The following BCL3 variants were observed in gnomAD, a reference collection of about 807,000 sequenced individuals.
BCL3 encodes the protein B-cell lymphoma 3 protein.
BCL3 carries 15 observed loss-of-function variants against 35.7 expected under a neutral mutation model. The ratio of observed to expected loss-of-function variants is 0.42; its 90% CI spans 0.28 to 0.65. The LOEUF (loss-of-function observed/expected upper bound fraction) is 0.65, where lower values mean the gene tolerates loss of function less well. Ranked by LOEUF, BCL3 falls within the 30% of genes least tolerant of loss-of-function variation. The probability of loss-of-function intolerance (pLI) is 0.22; values close to 1 mark genes in which losing one functional copy is unlikely to be tolerated. For synonymous variants in BCL3, 311 were observed against 284.3 expected (o/e 1.09, Z -0.95); for missense variants, 565 against 641.7 (o/e 0.88, Z 1.29).
chr19:44,758,691 G>A (rs1206239557), intron 7 of BCL3, 33 bp from the exon 8 acceptor site: 3 of 1,534,324 alleles, frequency 2.0e-6, no homozygotes, highest in East Asian at 2.3e-5. Flanking sequence ...GTGAGGCATG[G>A]GTGGCTCTAT....
At position 44,759,580 on chromosome 19, in the gene BCL3, C is replaced by T. The variant is rs2122316170; in HGVS notation, c.1330C>T (p.Pro444Ser). The T allele has an allele frequency of 6.2e-7, 1 of 1,608,864 alleles. No homozygotes were observed. The highest frequency in any genetic ancestry group is 8.5e-7 in the Non-Finnish European group (1 of 1,178,962). Residue 444 changes from proline to serine, a missense_variant, in exon 9 of 9, where the codon CCG (proline) becomes TCG (serine). Transcript: ENST00000164227. ...FAGVLRGPGR[P>S]VPPSPAPGGS ...TGGGGTCCTCCGAGGCCCTGGCCGGCCGGTGCCCCCCTCCCCAGCTCCAGG... is the reference window on the plus strand; with the variant it reads ...TGGGGTCCTCCGAGGCCCTGGCCGGTCGGTGCCCCCCTCCCCAGCTCCAGG...
In BCL3 at chr19:44,757,554, C is replaced by A; in HGVS notation, c.814-92C>A. 6.5e-7 allele frequency: 1 copy of A among 1,540,692 alleles called. No individual in the cohort carries two copies. ...TGGAGTATCAGACCCAAGAGAGAGG[C>A]TGGACCCCGCGAATGGGATGTGGAC... is the stretch of plus-strand genomic sequence containing the variant. On this transcript the variant is annotated intron_variant, in intron 5 of 8. Transcript: ENST00000164227. This position sits in a 1 kb window ranked among gnomAD's most constrained non-coding sequence, Gnocchi z 8.4.
chr19:44,748,958 C>T lies in BCL3; in HGVS notation c.168C>T (p.Pro56=). The T allele has an allele frequency of 7.3e-7, 1 of 1,362,328 alleles. No individual in the cohort carries two copies. The highest frequency in any genetic ancestry group is 3.2e-5 in the East Asian group (1 of 31,160). 84.4% of individuals were successfully genotyped at this position (1,362,328 alleles called of 1,614,324 possible). Residue 56 remains proline (P), a synonymous_variant, in exon 1 of 9, where the codon CCC becomes CCT. Coordinates refer to ENST00000164227, the MANE Select transcript of BCL3 (RefSeq NM_005178.5). The part of the protein sequence containing the change: ...APRGAAGLVV[P]LDPLRGGCDL... ...GCGGCGCTGCGGGCCTTGTCGTCCC[C>T]CTGGACCCTCTGCGCGGCGGCTGCG...
At position 44,756,350 on chromosome 19, in the gene BCL3, G is replaced by A. The variant is rs372259351; in HGVS notation, c.519+10G>A. 2.3e-5 allele frequency: 34 copies of A among 1,468,670 alleles called. No homozygotes were observed. Among genetic ancestry groups the A allele is most frequent in the Admixed American group, 6.7e-5 (3 of 44,834 alleles). 91.0% of individuals were successfully genotyped at this position (1,468,670 alleles called of 1,614,324 possible). ...CAACAACCTACGGCAGGTGAGGCTC[G>A]GTCTGAGGGAGGAGGGCTGGGGCCT... is the stretch of plus-strand genomic sequence containing the variant. On this transcript the variant is annotated intron_variant, in intron 3 of 8. Coordinates refer to ENST00000164227, the MANE Select transcript of BCL3 (RefSeq NM_005178.5).
rs1360948846 is a variant in BCL3, at chr19:44,757,231, T to A, written c.724+10T>A. ...GCCCGCAATTATGACGGTAAGCATT[T>A]ACCGCGGGGCACCGCTGGGCTGTCC... is the stretch of plus-strand genomic sequence containing the variant. On this transcript the variant is annotated intron_variant, in intron 4 of 8. Coordinates refer to ENST00000164227, the MANE Select transcript of BCL3 (RefSeq NM_005178.5). This position sits in a 1 kb window ranked among gnomAD's most constrained non-coding sequence, Gnocchi z 8.4. 1 of 1,548,416 alleles carries A rather than the reference T, an allele frequency of 6.5e-7. No individual in the cohort carries two copies. The highest frequency in any genetic ancestry group is 1.9e-5 in the Admixed American group (1 of 51,934).
At position 44,758,809 on chromosome 19, in the gene BCL3, C is replaced by T; in HGVS notation, c.1145C>T (p.Ser382Phe). ...TCCCCTGACCGGAGCGCCAACACCT[C>T]CCCCGAGAGCAGCAGCCGCCTCAGC... ...DPSPDRSANT[S>F]PESSSRLSSN... The change falls in exon 8 of 9, where the codon TCC (serine) becomes TTC (phenylalanine). Residue 382 changes from serine to phenylalanine, a missense_variant. Ser to Phe is a radical substitution (Grantham distance 155, BLOSUM62 -2). This residue lies in a region of BCL3 where 151 missense variants were observed against 138.1 expected (regional missense o/e 1.09). Transcript: ENST00000164227. 1 of 1,604,640 alleles carries T rather than the reference C, an allele frequency of 6.2e-7. No homozygotes were observed. The highest frequency in any genetic ancestry group is 8.5e-7 in the Non-Finnish European group (1 of 1,176,752).
intron 8 of BCL3, 30 bp from the exon 9 acceptor site, chr19:44,759,398 C>A (rs776520216): frequency 1.9e-6 from 3 of 1,561,722 alleles, no homozygotes; most frequent in South Asian, 1.1e-5. Context: ...CCTCTCACCA[C>A]CCACCCCTCT....
chr19:44,758,692 G>A (rs1277195020), intron 7 of BCL3, 32 bp from the exon 8 acceptor site: 17 of 1,537,424 alleles, frequency 1.1e-5, no homozygotes, highest in South Asian at 2.3e-5. Context: ...TGAGGCATGG[G>A]TGGCTCTATG....
chr19:44,753,775 G>T (rs553055787), intron 2 of BCL3, among the ~76,000 whole-genome samples: 1 of 141,114 alleles, frequency 7.1e-6, no homozygotes, highest in South Asian at 2.4e-4. Context: ...GGACCCCCAA[G>T]AGGTTAGGGA....
upstream of BCL3, chr19:44,748,682 A>T: frequency 9.6e-7 from 1 of 1,041,898 alleles, no homozygotes; most frequent in Non-Finnish European, 1.2e-6. Context: ...CCGGCCGACA[A>T]AAGTCCCTTC....
chr19:44,758,498 G>A (rs147211387), intron 7 of BCL3, 85 bp downstream of exon 7: 24,650 of 1,481,962 alleles, frequency 0.017, 338 homozygotes, highest in Admixed American at 0.08. Context: ...GCGCAGAGGA[G>A]TGAGGGTGTC....
At chr19:44,755,053 A>G (rs1346327753) in intron 2 of BCL3, 2 of 152,338 alleles carry the variant, frequency 1.3e-5, no homozygotes, top group Non-Finnish European at 2.9e-5. Flanking sequence ...TTAAATAAAG[A>G]TCCTGCCACC....
Position 44,757,330 on chromosome 19 carries a change from T to C in BCL3, c.728T>C (p.Leu243Pro). The change falls in exon 5 of 9, where the codon CTC becomes CCC. Residue 243 changes from leucine to proline, a missense_variant. Leu to Pro is a moderately conservative substitution (Grantham distance 98, BLOSUM62 -3). This residue lies in a region of BCL3 where 103 missense variants were observed against 106.7 expected (regional missense o/e 0.97). Transcript: ENST00000164227. This position sits in a 1 kb window ranked among gnomAD's most constrained non-coding sequence, Gnocchi z 8.4. ...LDLEARNYDG[L>P]TALHVAVNTE... ...ACCGAGCCCTCCTCTCCCTCAGGGC[T>C]CACCGCCCTGCACGTGGCAGTGAAC... is the stretch of plus-strand genomic sequence containing the variant. 1 of 1,601,654 alleles carries C rather than the reference T, an allele frequency of 6.2e-7. No individual in the cohort carries two copies. The highest frequency in any genetic ancestry group is 8.5e-7 in the Non-Finnish European group (1 of 1,174,464).
intron 2 of BCL3, among the ~76,000 whole-genome samples, chr19:44,754,491 C>T (rs1455369041): frequency 6.6e-6 from 1 of 152,218 alleles, no homozygotes; most frequent in African/African-American, 2.4e-5. Flanking sequence ...AGCAGAGCCC[C>T]GCCCAGCAGA....
chr19:44,755,748 T>C (rs1167381419), intron 2 of BCL3, among the ~76,000 whole-genome samples: 1 of 146,032 alleles, frequency 6.8e-6, no homozygotes, highest in African/African-American at 2.5e-5. Context: ...TGAAACCATG[T>C]CTCTACTAAA....
chr19:44,759,941 T>G lies in BCL3; in HGVS notation c.*326T>G. 3.2e-6 allele frequency: 1 copy of G among 312,262 alleles called. No individual in the cohort carries two copies. Among genetic ancestry groups the G allele is most frequent in the East Asian group, 5.1e-5 (1 of 19,536 alleles). The allele number at this position is 312,262 out of a possible 1,614,324, so 19.3% of individuals were successfully genotyped here. Reference sequence around the variant, plus strand: ...CCACTCCCCTCCACTCTCTACCAGATAACTGAGGAGGGGAGAGGTGGGCCG... The same window carrying G: ...CCACTCCCCTCCACTCTCTACCAGAGAACTGAGGAGGGGAGAGGTGGGCCG... On this transcript the variant is annotated 3_prime_UTR_variant, in exon 9 of 9. Transcript: ENST00000164227.
intron 1 of BCL3, 76 bp from the exon 2 acceptor site, chr19:44,751,151 T>G: frequency 6.5e-7 from 1 of 1,537,892 alleles, no homozygotes. Context: ...GGAGCAAAGT[T>G]TTAGAAGTGG....
Position 44,757,939 on chromosome 19 carries a change from C to G in BCL3, c.891+216C>G, listed in dbSNP as rs958370259. Reference sequence around the variant, plus strand: ...ATTCCTCCTCTGCCACCTCAACGGCCTAGGCCCCGCCCTGCGATGGCCTGG... The same window carrying G: ...ATTCCTCCTCTGCCACCTCAACGGCGTAGGCCCCGCCCTGCGATGGCCTGG... On this transcript the variant is annotated intron_variant, in intron 6 of 8. Coordinates refer to ENST00000164227, the MANE Select transcript of BCL3 (RefSeq NM_005178.5). The surrounding 1 kb of genome is among the most constrained non-coding windows in gnomAD (Gnocchi z 8.4). Among the ~76,000 whole-genome samples, 6 of 152,228 alleles carry G rather than the reference C, an allele frequency of 3.9e-5. No individual in the cohort carries two copies. The highest frequency in any genetic ancestry group is 5.9e-5 in the Non-Finnish European group (4 of 68,040).
upstream of BCL3, chr19:44,748,701 C>A (rs1236454348): frequency 2.9e-6 from 3 of 1,049,312 alleles, no homozygotes; most frequent in African/African-American, 3.4e-5. Flanking sequence ...TCAGTTCAGC[C>A]GGCTGCAGGG....
Sources: allele counts gnomAD v4.1 joint callset (sites outside exome capture counted in the v4.1 genomes callset), GRCh38; gene constraint gnomAD v4.1.1; regional missense constraint gnomAD v4.1.1; non-coding constraint Gnocchi (gnomAD v3.1); transcripts MANE v1.5; gene names NCBI Gene and HGNC (gene_info 2026-07-23, HGNC 2026-07-21).